AMZ1: variants seen among roughly 807,000 people sequenced by gnomAD.
The protein encoded by AMZ1 is archaelysin family metallopeptidase 1.
AMZ1 carries 39 observed loss-of-function variants against 29.9 expected under a neutral mutation model. The ratio of observed to expected loss-of-function variants is 1.30; its 90% CI spans 1.01 to 1.70. The LOEUF is 1.70. Among genes scored for constraint, AMZ1 ranks in the 40% most tolerant of loss-of-function variants. The probability of loss-of-function intolerance (pLI) is 0.00; values close to 1 mark genes in which losing one functional copy is unlikely to be tolerated. For synonymous variants in AMZ1, 458 were observed against 304.0 expected (o/e 1.51, Z -5.27); for missense variants, 1,041 against 680.6 (o/e 1.53, Z -5.89).
chr7:2,763,215 CACACACACACACA>C, upstream of AMZ1: 1 of 437,074 alleles, frequency 2.3e-6, no homozygotes, highest in Non-Finnish European at 3.3e-6. Context: ...CACACACACA[CACACACACACACA>C]CACGGTCTCA....
upstream of AMZ1, among the ~76,000 whole-genome samples, chr7:2,685,975 G>A (rs186076863): frequency 6.6e-6 from 1 of 152,080 alleles, no homozygotes; most frequent in Non-Finnish European, 1.5e-5. Context: ...GCAGCTTTCT[G>A]AGTCACAATC....
downstream of AMZ1, among the ~76,000 whole-genome samples, chr7:2,721,990 C>T (rs1456592855): frequency 6.6e-6 from 1 of 152,242 alleles, no homozygotes; most frequent in African/African-American, 2.4e-5. Flanking sequence ...GCAGGTGGTG[C>T]TGGCGCTGTA....
At position 2,731,163 on chromosome 7, in the gene AMZ1, ACCCCGGG is replaced by A. The variant is rs1487513394; in HGVS notation, n.550+21348_550+21354del. 10 of 1,572,044 alleles carry A rather than the reference ACCCCGGG, an allele frequency of 6.4e-6. No homozygotes were observed. The highest frequency in any genetic ancestry group is 8.7e-6 in the Non-Finnish European group (10 of 1,151,264). On this transcript the variant is annotated intron_variant and non_coding_transcript_variant, in intron 4 of 4. Transcript: ENST00000489665. The surrounding 1 kb of genome is among the most constrained non-coding windows in gnomAD (Gnocchi z 6.0). ...CGTGGGGGCTGCTCAACGACGACAA[ACCCCGGG>A]GCTTCCTCGCTCACTGCAGCATGAT... is the stretch of plus-strand genomic sequence containing the variant.
chr7:2,731,862 G>A lies in AMZ1; in HGVS notation n.550+22046G>A. 1 of 582,184 alleles carries A rather than the reference G, an allele frequency of 1.7e-6. No homozygotes were observed. Among genetic ancestry groups the A allele is most frequent in the Non-Finnish European group, 2.9e-6 (1 of 349,888 alleles). 36.1% of individuals were successfully genotyped at this position (582,184 alleles called of 1,614,324 possible). On this transcript the variant is annotated intron_variant and non_coding_transcript_variant, in intron 4 of 4. Transcript: ENST00000489665. The surrounding 1 kb of genome is among the most constrained non-coding windows in gnomAD (Gnocchi z 6.0). The stretch of plus-strand genomic sequence containing the variant: ...AGGAAAGAGACTGACTTTTGCAACA[G>A]GTTGAACCAGAAACCAAAAGCAAAT...
intron 1 of AMZ1, chr7:2,764,953 A>G (rs1562416114): frequency 6.6e-6 from 1 of 152,252 alleles, no homozygotes; most frequent in Non-Finnish European, 1.5e-5. Flanking sequence ...GGTCAACTGC[A>G]TTTTGTACGG....
chr7:2,757,207 C>G (rs1342931233), intron 4 of AMZ1, among the ~76,000 whole-genome samples: 1 of 136,120 alleles, frequency 7.3e-6, no homozygotes, highest in Admixed American at 8.4e-5. Flanking sequence ...ACGATCTTGG[C>G]TCACTGCAAG....
downstream of AMZ1, among the ~76,000 whole-genome samples, chr7:2,721,288 C>T (rs572519303): frequency 5.1e-4 from 78 of 152,302 alleles, no homozygotes; most frequent in Middle Eastern, 3.4e-3. Flanking sequence ...TCTCCTGCCG[C>T]GCACCGCAGA....
chr7:2,747,046 A>G (rs564582466), intron 4 of AMZ1, among the ~76,000 whole-genome samples: 2 of 152,256 alleles, frequency 1.3e-5, no homozygotes, highest in East Asian at 1.9e-4. Flanking sequence ...CAACCAAAAA[A>G]AGTCCAGGAG....
intron 5 of AMZ1, among the ~76,000 whole-genome samples, 158 bp downstream of exon 5, chr7:2,709,402 A>C (rs1583174119): frequency 6.6e-6 from 1 of 152,242 alleles, no homozygotes; most frequent in East Asian, 1.9e-4. Flanking sequence ...ATGAAGCAGC[A>C]GGGGAGGGAT....
chr7:2,684,867 A>C (rs1787010122), upstream of AMZ1, among the ~76,000 whole-genome samples: 1 of 147,718 alleles, frequency 6.8e-6, no homozygotes, highest in Non-Finnish European at 1.5e-5. Flanking sequence ...CTTGACACAT[A>C]ATTGCTTTTT....
intron 3 of AMZ1, among the ~76,000 whole-genome samples, chr7:2,706,838 A>C (rs1303783171): frequency 6.6e-6 from 1 of 152,030 alleles, no homozygotes; most frequent in African/African-American, 2.4e-5. Flanking sequence ...AATCATCATC[A>C]CCTCATTAGC....
intron 3 of AMZ1, among the ~76,000 whole-genome samples, chr7:2,707,720 A>T (rs958536292): frequency 2.0e-5 from 3 of 149,636 alleles, no homozygotes; most frequent in African/African-American, 7.4e-5. Context: ...TTCTAGAGGC[A>T]CCCGTATCCT....
rs147945428 is a variant in AMZ1, at chr7:2,712,396, G to C, written c.1015G>C (p.Val339Leu). ...WPSQEAGEPSVWEDTPPASAD... is the reference protein window; with the variant it reads ...WPSQEAGEPSLWEDTPPASAD... ...CAGCCAGGAGGCGGGGGAGCCGTCA[G>C]TGTGGGAGGACACCCCGCCTGCCAG... is the stretch of plus-strand genomic sequence containing the variant. The change falls in exon 7 of 7, where the codon GTG (valine) becomes CTG (leucine). Residue 339 changes from valine to leucine, a missense_variant. Coordinates refer to ENST00000683327, the MANE Select transcript of AMZ1 (RefSeq NM_001384743.1). 3.7e-6 allele frequency: 6 copies of C among 1,611,154 alleles called. No homozygotes were observed. The South Asian group carries it at 4.4e-5, about 12-fold the overall frequency.
chr7:2,687,541 C>G (rs1314728381), upstream of AMZ1, among the ~76,000 whole-genome samples: 1 of 152,240 alleles, frequency 6.6e-6, no homozygotes, highest in Non-Finnish European at 1.5e-5. Flanking sequence ...AGCCGTCATG[C>G]CGGCCTTCAC....
In AMZ1 at chr7:2,713,079, G is replaced by A. The variant is rs911235218; in HGVS notation, c.*201G>A. On this transcript the variant is annotated 3_prime_UTR_variant, in exon 7 of 7. Coordinates refer to ENST00000683327, the MANE Select transcript of AMZ1 (RefSeq NM_001384743.1). ...ATGGTGAGACTCTGCCTCTACAAAA[G>A]AAAAATTAAAAAATTAGCTGGATGA... 19 of 500,402 alleles carry A rather than the reference G, an allele frequency of 3.8e-5. No individual in the cohort carries two copies. The highest frequency in any genetic ancestry group is 2.2e-4 in the African/African-American group (11 of 50,022). The allele number at this position is 500,402 out of a possible 1,614,324, so 31.0% of individuals were successfully genotyped here.
chr7:2,692,575 C>A (rs1787466595), intron 1 of AMZ1, among the ~76,000 whole-genome samples: 1 of 151,998 alleles, frequency 6.6e-6, no homozygotes, highest in African/African-American at 2.4e-5. Flanking sequence ...GGACCAAGCT[C>A]ATGCCAGAGC....
At chr7:2,680,018 G>A (rs1002867707) in intron 1 of AMZ1, among the ~76,000 whole-genome samples, 1 of 152,330 alleles carries the variant, frequency 6.6e-6, no homozygotes, top group South Asian at 2.1e-4. Context: ...CACAGCTGGC[G>A]GTAGTGAGAC....
chr7:2,734,367 GAC>G (rs1195720948), intron 4 of AMZ1, among the ~76,000 whole-genome samples: 1 of 152,206 alleles, frequency 6.6e-6, no homozygotes, highest in Non-Finnish European at 1.5e-5. Context: ...CTGCTCTAAA[GAC>G]AGACACCAGC....
At chr7:2,723,637 C>T (rs1218353959), downstream of AMZ1, among the ~76,000 whole-genome samples, 1 of 152,212 alleles carries the variant, frequency 6.6e-6, no homozygotes, top group Non-Finnish European at 1.5e-5. Context: ...CCTCGGCGCT[C>T]CCCAAGCTCT....
Sources: gnomAD v4.1 joint callset for allele counts (sites outside exome capture counted in the v4.1 genomes callset) on GRCh38, gnomAD v4.1.1 for gene constraint, Gnocchi (gnomAD v3.1) non-coding constraint, MANE v1.5 for transcripts, NCBI Gene and HGNC (gene_info 2026-07-23, HGNC 2026-07-21) for gene names.